VPS13B: variants seen among roughly 807,000 people sequenced by gnomAD.
The protein encoded by VPS13B is vacuolar protein sorting 13 homolog B, also known as intermembrane lipid transfer protein VPS13B.
VPS13B carries 285 observed loss-of-function variants against 426.4 expected under a neutral mutation model. The ratio of observed to expected loss-of-function variants is 0.67; its 90% CI spans 0.61 to 0.74. The LOEUF is 0.74. Ranked by LOEUF, VPS13B falls within the 30% of genes least tolerant of loss-of-function variation. The pLI is 0.00. For missense variants in VPS13B, 4,537 were observed against 4,782.6 expected (o/e 0.95, Z 1.51); for synonymous variants, 1,676 against 1,676.4 (o/e 1.00, Z 0.01).
At chr8:99,220,352 T>A (rs1445159152) in intron 17 of VPS13B, among the ~76,000 whole-genome samples, 2 of 152,232 alleles carry the variant, frequency 1.3e-5, no homozygotes, top group Non-Finnish European at 2.9e-5. Context: ...AGGCCAAGTA[T>A]AATTACTGAT....
At chr8:99,670,248 AG>A (rs377497503) in intron 35 of VPS13B, among the ~76,000 whole-genome samples, 20,612 of 152,092 alleles carry the variant, frequency 0.14, 1,943 homozygotes, top group East Asian at 0.39. Flanking sequence ...TTTCTGGAGT[AG>A]AAAATGAGGA....
At chr8:99,221,690 A>G (rs771745778) in intron 17 of VPS13B, among the ~76,000 whole-genome samples, 1 of 152,172 alleles carries the variant, frequency 6.6e-6, no homozygotes, top group African/African-American at 2.4e-5. Flanking sequence ...TTTTGCAGAC[A>G]CACAAGGAAA....
chr8:99,307,544 T>TGATACTGAG (rs1277169200), intron 19 of VPS13B, among the ~76,000 whole-genome samples: 5 of 152,130 alleles, frequency 3.3e-5, no homozygotes. Context: ...TTTTGGTTTG[T>TGATACTGAG]TCCCTAAATA....
At chr8:99,699,131 C>CTTTTTTTTTTTTTTTTTTTTTTTTTTTT (rs370004663) in intron 35 of VPS13B, among the ~76,000 whole-genome samples, 1 of 90,556 alleles carries the variant, frequency 1.1e-5, no homozygotes, top group Non-Finnish European at 2.2e-5. Flanking sequence ...TAAGGAAAGT[C>CTTTTTTTTTTTTTTTTTTTTTTTTTTTT]TTTTTTTTTT....
At chr8:99,472,538 A>G (rs1819469222) in intron 24 of VPS13B, among the ~76,000 whole-genome samples, 1 of 152,008 alleles carries the variant, frequency 6.6e-6, no homozygotes, top group African/African-American at 2.4e-5. Context: ...AGCTAAGGCA[A>G]TGTTTAGAGG....
At chr8:99,425,415 G>A (rs1816640125) in intron 21 of VPS13B, among the ~76,000 whole-genome samples, 1 of 152,112 alleles carries the variant, frequency 6.6e-6, no homozygotes, top group Non-Finnish European at 1.5e-5. Context: ...TTCAACATAT[G>A]CAAGTCAATA....
At chr8:99,527,615 CACA>C (rs1822716495) in intron 30 of VPS13B, among the ~76,000 whole-genome samples, 1 of 152,166 alleles carries the variant, frequency 6.6e-6, no homozygotes, top group Admixed American at 6.5e-5. Context: ...CTTTATCTTA[CACA>C]ACCCCTTCTC....
At chr8:99,077,408 G>A (rs1180113552) in intron 3 of VPS13B, among the ~76,000 whole-genome samples, 3 of 152,008 alleles carry the variant, frequency 2.0e-5, no homozygotes, top group Non-Finnish European at 4.4e-5. Context: ...GACTTCATGT[G>A]ATCTGCCTGC....
At chr8:99,361,182 A>G (rs188015871) in intron 19 of VPS13B, among the ~76,000 whole-genome samples, 1 of 152,226 alleles carries the variant, frequency 6.6e-6, no homozygotes, top group Non-Finnish European at 1.5e-5. Flanking sequence ...TTATCATTAG[A>G]AGAGAATCAG....
chr8:99,670,928 G>A, intron 35 of VPS13B, among the ~76,000 whole-genome samples: 1 of 152,072 alleles, frequency 6.6e-6, no homozygotes, highest in Non-Finnish European at 1.5e-5. Context: ...ATTATGAATT[G>A]TGCTGCAGTA....
chr8:99,597,527 G>T (rs1404880861), intron 33 of VPS13B, among the ~76,000 whole-genome samples: 2 of 152,010 alleles, frequency 1.3e-5, no homozygotes, highest in Non-Finnish European at 2.9e-5. Flanking sequence ...TCTGGTCAAT[G>T]AGGTGTAAAG....
intron 51 of VPS13B, among the ~76,000 whole-genome samples, chr8:99,828,394 G>GTTTCTTTTTTTTTTTTT (rs1814831585): frequency 5.7e-5 from 1 of 17,424 alleles, no homozygotes; most frequent in African/African-American, 2.4e-4. Flanking sequence ...TACAACCACC[G>GTTTCTTTTTTTTTTTTT]TTTTTTTTTT....
At chr8:99,473,449 T>G (rs143795938) in intron 24 of VPS13B, among the ~76,000 whole-genome samples, 1 of 152,216 alleles carries the variant, frequency 6.6e-6, no homozygotes, top group Admixed American at 6.5e-5. Context: ...AGTGAGACAT[T>G]TGACAGAATT....
At chr8:99,615,985 A>G (rs1308945999) in intron 33 of VPS13B, among the ~76,000 whole-genome samples, 2 of 152,158 alleles carry the variant, frequency 1.3e-5, no homozygotes, top group Non-Finnish European at 2.9e-5. Context: ...CTAGTCTATG[A>G]TGATAATCAT....
chr8:99,382,368 CA>C (rs1244406141), intron 19 of VPS13B, among the ~76,000 whole-genome samples: 2 of 152,044 alleles, frequency 1.3e-5, no homozygotes, highest in Admixed American at 6.6e-5. Context: ...TGAAGAGTGT[CA>C]TTGGTAGTTT....
Position 99,778,771 on chromosome 8 carries a change from A to G in VPS13B, c.7519A>G (p.Met2507Val), listed in dbSNP as rs1467331063. ...YMIVSFREPHMYLRQWNNGSV... is the reference protein window; with the variant it reads ...YMIVSFREPHVYLRQWNNGSV... ...GATTGTTTCCTTCAGAGAACCACAC[A>G]TGTATCTTCGACAGTGGAATAATGG... The change falls in exon 42 of 62, where the codon ATG becomes GTG. Residue 2507 changes from methionine (M) to valine (V), a missense_variant. Transcript: ENST00000357162. 2 of 1,613,972 alleles carry G rather than the reference A, an allele frequency of 1.2e-6. No individual in the cohort carries two copies. The highest frequency in any genetic ancestry group is 2.2e-5 in the East Asian group (1 of 44,852).
At chr8:99,340,423 A>G (rs1207993708) in intron 19 of VPS13B, 4 of 476,088 alleles carry the variant, frequency 8.4e-6, no homozygotes, top group East Asian at 5.7e-5. Flanking sequence ...GAAAAGATCA[A>G]AGTGTTTCAA....
At chr8:99,870,926 A>G (rs376919885) in intron 60 of VPS13B, 39 bp downstream of exon 60, 1 of 1,589,028 alleles carries the variant, frequency 6.3e-7, no homozygotes, top group South Asian at 1.1e-5. Context: ...TTACATCCAT[A>G]TTGTATGTTA....
intron 8 of VPS13B, among the ~76,000 whole-genome samples, chr8:99,126,132 T>G (rs909664770): frequency 7.2e-5 from 11 of 152,184 alleles, no homozygotes; most frequent in African/African-American, 2.7e-4. Flanking sequence ...TAATTCATGA[T>G]AGCAGGAAAG....
Sources: allele counts gnomAD v4.1 joint callset (sites outside exome capture counted in the v4.1 genomes callset), GRCh38; gene constraint gnomAD v4.1.1; transcripts MANE v1.5; gene names NCBI Gene and HGNC (gene_info 2026-07-23, HGNC 2026-07-21).